The following ANO4 variants were observed in gnomAD, a reference collection of about 807,000 sequenced individuals.
ANO4 encodes the protein anoctamin 4, also known as anoctamin-4.
A neutral mutation model predicts 141.9 loss-of-function variants in ANO4; 69 were observed. That is an observed-to-expected ratio of 0.49 (90% CI 0.40 to 0.59). The LOEUF is 0.59. Among genes scored for constraint, ANO4 ranks in the 20% least tolerant of loss-of-function variants. The probability of loss-of-function intolerance (pLI) is 0.00; values close to 1 mark genes in which losing one functional copy is unlikely to be tolerated. For missense variants in ANO4, 894 were observed against 1,162.2 expected, an observed-to-expected ratio of 0.77 and a Z score of 3.36; for synonymous variants, 350 against 394.3, an observed-to-expected ratio of 0.89 and a Z score of 1.33.
At chr12:100,775,454 C>T (rs937250178) in intron 3 of ANO4, among the ~76,000 whole-genome samples, 10 of 152,084 alleles carry the variant, frequency 6.6e-5, no homozygotes, top group South Asian at 2.1e-4. Context: ...AGAATATAAA[C>T]GATACCTGAT....
At chr12:101,025,827 CA>C (rs1279099999) in intron 9 of ANO4, among the ~76,000 whole-genome samples, 1 of 152,044 alleles carries the variant, frequency 6.6e-6, no homozygotes, top group African/African-American at 2.4e-5. Context: ...AAAGAAAAAC[CA>C]TATGTTCATA....
chr12:101,040,206 C>T, intron 11 of ANO4, 130 bp downstream of exon 11: 12 of 1,203,406 alleles, frequency 1.0e-5, no homozygotes, highest in Non-Finnish European at 1.3e-5. Context: ...CTGGCTTCTT[C>T]ACAAGAGGAA....
intron 8 of ANO4, among the ~76,000 whole-genome samples, chr12:100,998,465 A>G (rs966776734): frequency 2.0e-5 from 3 of 152,076 alleles, no homozygotes; most frequent in African/African-American, 7.2e-5. Flanking sequence ...TACAACACCC[A>G]AACTAATCTA....
chr12:100,739,867 G>A lies in ANO4; in HGVS notation c.120G>A (p.Ala40=), dbSNP rs143563629. The change falls in exon 3 of 30, where the codon GCG becomes GCA. Residue 40 remains alanine (A), a synonymous_variant. Coordinates refer to the ANO4 transcript ENST00000644049. ...TTATCTCACCAGGTTATGACGTTGCGGGGCCTGTGGCAATTGGGCTTACCC... is the reference window on the plus strand; with the variant it reads ...TTATCTCACCAGGTTATGACGTTGCAGGGCCTGTGGCAATTGGGCTTACCC... 1,123 of 702,356 alleles carry A rather than the reference G, an allele frequency of 1.6e-3. 8 individuals are homozygous for A. The African/African-American group carries it at 0.017, about 11-fold the overall frequency. The allele number at this position is 702,356 out of a possible 1,614,324, so 43.5% of individuals were successfully genotyped here. A position where few individuals can be genotyped will look rare whatever the true frequency, so the allele number is the denominator to read the frequency against.
chr12:101,034,402 A>T (rs1049004451), intron 9 of ANO4, among the ~76,000 whole-genome samples: 1 of 152,124 alleles, frequency 6.6e-6, no homozygotes, highest in Non-Finnish European at 1.5e-5. Flanking sequence ...AAAACCAAAC[A>T]CTGCATGCCC....
At chr12:100,919,702 G>GTGTA (rs368823212) in intron 2 of ANO4, among the ~76,000 whole-genome samples, 9 of 133,918 alleles carry the variant, frequency 6.7e-5, no homozygotes, top group East Asian at 4.2e-4. Flanking sequence ...GTGTGTGTGT[G>GTGTA]TGTATGTATG....
At chr12:100,962,818 C>T (rs966552288) in intron 5 of ANO4, among the ~76,000 whole-genome samples, 4 of 152,090 alleles carry the variant, frequency 2.6e-5, no homozygotes, top group Admixed American at 6.6e-5. Flanking sequence ...GCCCAATCCA[C>T]GCTGCAATGG....
At chr12:100,944,970 A>G (rs893027363) in intron 5 of ANO4, among the ~76,000 whole-genome samples, 29 of 152,298 alleles carry the variant, frequency 1.9e-4, no homozygotes, top group Admixed American at 1.7e-3. Flanking sequence ...GACAATTTTA[A>G]TGGCGATTTC....
chr12:100,829,874 A>G (rs569974946), intron 1 of ANO4, among the ~76,000 whole-genome samples: 1 of 152,010 alleles, frequency 6.6e-6, no homozygotes, highest in Non-Finnish European at 1.5e-5. Flanking sequence ...ATGTAAAATC[A>G]TTGTTCCTCC....
rs775771623 is a variant in ANO4, at chr12:101,083,831, TA to T, written c.1536+20del. On this transcript the variant is annotated intron_variant, in intron 16 of 27. Transcript: ENST00000392977. ...AATATTTTTTATGGTTTGAAACTTT[TA>T]AAAAAATATTTGTTTCATAAAATAC... The T allele has an allele frequency of 1.8e-5, 28 of 1,541,890 alleles. No homozygotes were observed. The highest frequency in any genetic ancestry group is 1.7e-4 in the Middle Eastern group (1 of 5,806).
intron 1 of ANO4, among the ~76,000 whole-genome samples, chr12:100,869,435 A>G (rs896201205): frequency 1.3e-5 from 2 of 152,208 alleles, no homozygotes; most frequent in Non-Finnish European, 2.9e-5. Context: ...CTTCTTAGAC[A>G]GGGAGGACAA....
intron 14 of ANO4, among the ~76,000 whole-genome samples, chr12:101,073,580 T>TAAC (rs1327558987): frequency 6.9e-6 from 1 of 145,816 alleles, no homozygotes; most frequent in Non-Finnish European, 1.5e-5. Flanking sequence ...ATAATAATAA[T>TAAC]AATAATAATA....
chr12:100,928,390 T>C (rs1277473813), intron 3 of ANO4, among the ~76,000 whole-genome samples: 1 of 152,166 alleles, frequency 6.6e-6, no homozygotes, highest in African/African-American at 2.4e-5. Flanking sequence ...ACTGCCACCT[T>C]TGTCTTTATT....
chr12:100,808,150 C>CTT, intron 1 of ANO4, among the ~76,000 whole-genome samples: 2 of 152,130 alleles, frequency 1.3e-5, no homozygotes, highest in South Asian at 4.1e-4. Flanking sequence ...CACTGACTTC[C>CTT]ATAATGTCTG....
chr12:100,913,455 TGAGA>T (rs1258714939), intron 2 of ANO4, among the ~76,000 whole-genome samples: 4 of 152,238 alleles, frequency 2.6e-5, no homozygotes, highest in Non-Finnish European at 5.9e-5. Flanking sequence ...ATAAGAATTC[TGAGA>T]GAAAGACAGA....
At chr12:100,985,373 C>A (rs1345322546) in intron 7 of ANO4, among the ~76,000 whole-genome samples, 1 of 152,130 alleles carries the variant, frequency 6.6e-6, no homozygotes, top group Non-Finnish European at 1.5e-5. Context: ...CCAGCATTTC[C>A]TGTATACCAG....
intron 6 of ANO4, among the ~76,000 whole-genome samples, chr12:100,973,565 G>A (rs1285649563): frequency 1.3e-5 from 2 of 152,086 alleles, no homozygotes; most frequent in South Asian, 4.1e-4. Context: ...ACTTTTTAGA[G>A]AAATTTTTAG....
chr12:100,989,975 A>AGATGGATGGATGGATG lies in ANO4; in HGVS notation c.734+2340_734+2355dup, dbSNP rs58082088. ...TGGGTATATACATGGATAGGTCACC[A>AGATGGATGGATGGATG]GATGGATGGATGGATGGATGGATGG... On this transcript the variant is annotated intron_variant, in intron 8 of 27. Coordinates refer to ENST00000392977, the MANE Select transcript of ANO4 (RefSeq NM_001286615.2). Among the ~76,000 whole-genome samples the AGATGGATGGATGGATG allele has an allele frequency of 1.4e-3, 189 of 131,846 alleles. 3 individuals carry two copies. The highest frequency in any genetic ancestry group is 0.013 in the East Asian group (51 of 4,024). 86.5% of individuals were successfully genotyped at this position (131,846 alleles called of 152,430 possible).
At chr12:100,890,515 T>C (rs1565976342) in intron 1 of ANO4, among the ~76,000 whole-genome samples, 1 of 152,168 alleles carries the variant, frequency 6.6e-6, no homozygotes, top group Non-Finnish European at 1.5e-5. Context: ...AAACCTTATA[T>C]GGGTATGAAA....
Sources: gnomAD v4.1 joint callset for allele counts (sites outside exome capture counted in the v4.1 genomes callset) on GRCh38, gnomAD v4.1.1 for gene constraint, MANE v1.5 for transcripts, NCBI Gene and HGNC (gene_info 2026-07-23, HGNC 2026-07-21) for gene names.